The following DOK5 variants were observed in gnomAD, a reference collection of about 807,000 sequenced individuals.
DOK5 encodes the protein docking protein 5.
In DOK5, 27 loss-of-function variants were observed where a neutral mutation model predicts 43.3. The ratio of observed to expected loss-of-function variants is 0.62; its 90% CI spans 0.46 to 0.86. The LOEUF (loss-of-function observed/expected upper bound fraction) is 0.86, where lower values mean the gene tolerates loss of function less well. DOK5 is among the 40% of genes least tolerant of loss of function. The probability of loss-of-function intolerance (pLI) is 0.00; values close to 1 mark genes in which losing one functional copy is unlikely to be tolerated. For missense variants in DOK5, 373 were observed against 392.9 expected (o/e 0.95, Z 0.43); for synonymous variants, 146 against 140.1 (o/e 1.04, Z -0.30).
intron 1 of DOK5, 27 bp downstream of exon 1, chr20:54,476,039 T>C (rs1464758277): frequency 1.1e-5 from 18 of 1,611,434 alleles, no homozygotes; most frequent in African/African-American, 2.7e-5. Context: ...TCCGTGTTGC[T>C]GTTCGCCGGT....
At chr20:54,487,513 CA>C (rs1981986891) in intron 1 of DOK5, among the ~76,000 whole-genome samples, 1 of 152,064 alleles carries the variant, frequency 6.6e-6, no homozygotes, top group Non-Finnish European at 1.5e-5. Flanking sequence ...CATGCAGTGA[CA>C]AAAATTTTGG....
At chr20:54,492,756 T>G (rs1982236341) in intron 1 of DOK5, among the ~76,000 whole-genome samples, 1 of 151,478 alleles carries the variant, frequency 6.6e-6, no homozygotes, top group African/African-American at 2.4e-5. Context: ...AGAACAACTT[T>G]TTAAAGGATG....
chr20:54,565,057 A>G (rs189586576), intron 2 of DOK5, among the ~76,000 whole-genome samples: 226 of 152,156 alleles, frequency 1.5e-3, no homozygotes, highest in African/African-American at 5.3e-3. Flanking sequence ...CTGCCTGAAA[A>G]GGGCCTTATT....
chr20:54,618,123 T>C (rs1986870374), intron 6 of DOK5, among the ~76,000 whole-genome samples: 2 of 152,178 alleles, frequency 1.3e-5, no homozygotes, highest in Non-Finnish European at 2.9e-5. Context: ...ATCCCTGACC[T>C]GGAAGGAATC....
intron 2 of DOK5, among the ~76,000 whole-genome samples, chr20:54,578,791 G>A (rs1047076959): frequency 4.6e-5 from 7 of 152,136 alleles, no homozygotes; most frequent in Non-Finnish European, 7.4e-5. Flanking sequence ...CAGTCATGGA[G>A]CTTGAAATGC....
chr20:54,561,936 C>T lies in DOK5; in HGVS notation c.174+6896C>T, dbSNP rs546297496. ...CCTTCCAAAGTGCTGGGATTACAGG[C>T]GCGAGCCACTGCGCCTGGCCACGTT... On this transcript the variant is annotated intron_variant, in intron 2 of 7. Transcript: ENST00000262593. 2.1e-4 allele frequency among the ~76,000 whole-genome samples: 32 copies of T among 152,294 alleles called. No homozygotes were observed. The South Asian group carries it at 2.5e-3, about 12-fold the overall frequency.
chr20:54,559,106 C>A (rs1984816129), intron 2 of DOK5, among the ~76,000 whole-genome samples: 1 of 152,106 alleles, frequency 6.6e-6, no homozygotes, highest in African/African-American at 2.4e-5. Context: ...TAGTTTCTGA[C>A]CTTGTTAAAC....
intron 2 of DOK5, among the ~76,000 whole-genome samples, chr20:54,572,350 G>A (rs1985310356): frequency 1.3e-5 from 2 of 152,008 alleles, no homozygotes. Context: ...CTTTAGTAGA[G>A]ACAGGGTTTC....
chr20:54,641,249 T>C (rs1425502956), intron 6 of DOK5, among the ~76,000 whole-genome samples: 1 of 152,200 alleles, frequency 6.6e-6, no homozygotes, highest in Admixed American at 6.5e-5. Flanking sequence ...TTGGTAATTG[T>C]GGAATTATGA....
chr20:54,549,420 A>C (rs1984451205), intron 1 of DOK5, among the ~76,000 whole-genome samples: 1 of 152,218 alleles, frequency 6.6e-6, no homozygotes, highest in African/African-American at 2.4e-5. Flanking sequence ...TGTATGTTAT[A>C]GTTTGACATC....
intron 6 of DOK5, among the ~76,000 whole-genome samples, chr20:54,642,115 G>A (rs1186539669): frequency 6.6e-6 from 1 of 152,088 alleles, no homozygotes; most frequent in Non-Finnish European, 1.5e-5. Flanking sequence ...CTTCTTGCAT[G>A]CGTTGACCCC....
intron 1 of DOK5, among the ~76,000 whole-genome samples, chr20:54,532,384 G>C (rs1330514246): frequency 1.3e-5 from 2 of 152,152 alleles, no homozygotes; most frequent in East Asian, 1.9e-4. Flanking sequence ...AGAGAAGAAG[G>C]CATTAGGAGA....
At chr20:54,483,512 A>T (rs1981809632) in intron 1 of DOK5, among the ~76,000 whole-genome samples, 1 of 152,218 alleles carries the variant, frequency 6.6e-6, no homozygotes, top group Admixed American at 6.5e-5. Context: ...ATAGTTAAAG[A>T]GGAATTAATC....
At chr20:54,576,128 C>T (rs1487268025) in intron 2 of DOK5, among the ~76,000 whole-genome samples, 1 of 152,030 alleles carries the variant, frequency 6.6e-6, no homozygotes, top group African/African-American at 2.4e-5. Flanking sequence ...CCCAAAATGT[C>T]AGTCATAATA....
chr20:54,594,963 C>A (rs1986091090), intron 5 of DOK5, among the ~76,000 whole-genome samples: 1 of 152,062 alleles, frequency 6.6e-6, no homozygotes, highest in African/African-American at 2.4e-5. Context: ...ACCATAGATA[C>A]TTGGAGGCTG....
chr20:54,500,033 CT>C (rs1389037099), intron 1 of DOK5, among the ~76,000 whole-genome samples: 1 of 152,208 alleles, frequency 6.6e-6, no homozygotes, highest in Non-Finnish European at 1.5e-5. Context: ...AAGATTGTCT[CT>C]TTTAGATATG....
At chr20:54,562,123 C>G (rs6014057) in intron 2 of DOK5, among the ~76,000 whole-genome samples, 32,816 of 152,162 alleles carry the variant, frequency 0.22, 4,987 homozygotes, top group African/African-American at 0.44. Context: ...ATTTGAATTT[C>G]TTGAAGATAG....
At chr20:54,477,443 CAG>C (rs1359316571) in intron 1 of DOK5, among the ~76,000 whole-genome samples, 1 of 152,110 alleles carries the variant, frequency 6.6e-6, no homozygotes, top group African/African-American at 2.4e-5. Context: ...AGAAATGTAA[CAG>C]AATTCACCAT....
chr20:54,566,172 T>G (rs6098092), intron 2 of DOK5, among the ~76,000 whole-genome samples: 27,485 of 150,882 alleles, frequency 0.18, 4,658 homozygotes, highest in African/African-American at 0.45. Context: ...TCAAGAATGT[T>G]TAATCGTTTG....
Sources: gnomAD v4.1 joint callset for allele counts (sites outside exome capture counted in the v4.1 genomes callset) on GRCh38, gnomAD v4.1.1 for gene constraint, MANE v1.5 for transcripts, NCBI Gene and HGNC (gene_info 2026-07-23, HGNC 2026-07-21) for gene names.